The following DPYSL5 variants were observed in gnomAD, a reference collection of about 807,000 sequenced individuals.
DPYSL5 encodes the protein dihydropyrimidinase like 5.
In DPYSL5, 9 loss-of-function variants were observed where a neutral mutation model predicts 58.4. The ratio of observed to expected loss-of-function variants is 0.15; its 90% confidence interval spans 0.09 to 0.27. The LOEUF (loss-of-function observed/expected upper bound fraction) is 0.27, where lower values mean the gene tolerates loss of function less well. Among genes scored for constraint, DPYSL5 ranks in the 10% least tolerant of loss-of-function variants. The probability of loss-of-function intolerance (pLI) is 1.00; values close to 1 mark genes in which losing one functional copy is unlikely to be tolerated. For synonymous variants in DPYSL5, 293 were observed against 301.9 expected (o/e 0.97, Z 0.31); for missense variants, 499 against 770.6 (o/e 0.65, Z 4.17).
chr2:26,896,674 G>A (rs1386617127), intron 1 of DPYSL5, among the ~76,000 whole-genome samples: 2 of 152,164 alleles, frequency 1.3e-5, no homozygotes, highest in African/African-American at 4.8e-5. Context: ...TTGGCCATTT[G>A]TATGTCTTCT....
intron 2 of DPYSL5, among the ~76,000 whole-genome samples, chr2:26,912,296 C>T (rs1209227632): frequency 1.3e-5 from 2 of 152,236 alleles, no homozygotes; most frequent in Non-Finnish European, 2.9e-5. Context: ...AGCCCCCGTT[C>T]CTGGAAACCA....
chr2:26,934,633 C>G lies in DPYSL5; in HGVS notation c.846C>G (p.His282Gln), dbSNP rs773777628. Residue 282 changes from histidine to glutamine, a missense_variant, in exon 8 of 13, where the codon CAC (histidine) becomes CAG (glutamine). Physicochemically the swap from His to Gln is conservative, Grantham distance 24 (BLOSUM62 0). Coordinates refer to ENST00000288699, the MANE Select transcript of DPYSL5 (RefSeq NM_020134.4). The surrounding 1 kb of genome is among the most constrained non-coding windows in gnomAD (Gnocchi z 4.3). ...TTAHATLTGL[H>Q]YYHQDWSHAA... ...CACATGCCACGCTGACAGGCTTACA[C>G]TACTACCACCAGGACTGGTCCCACG... 6.2e-7 allele frequency: 1 copy of G among 1,614,020 alleles called. No homozygotes were observed. Among genetic ancestry groups the G allele is most frequent in the South Asian group, 1.1e-5 (1 of 91,058 alleles).
chr2:26,886,829 C>G (rs1663731109), intron 1 of DPYSL5, among the ~76,000 whole-genome samples: 1 of 152,202 alleles, frequency 6.6e-6, no homozygotes, highest in Admixed American at 6.5e-5. Context: ...TTAAGAATGG[C>G]TCTCCCATTG....
chr2:26,874,522 C>CAT (rs535770078), intron 1 of DPYSL5, among the ~76,000 whole-genome samples: 9 of 152,256 alleles, frequency 5.9e-5, no homozygotes, highest in East Asian at 1.9e-4. Flanking sequence ...ATCAAATGAT[C>CAT]ATATATATAT....
At chr2:26,935,705 A>AAG (rs1314003998) in intron 8 of DPYSL5, among the ~76,000 whole-genome samples, 18 of 151,566 alleles carry the variant, frequency 1.2e-4, no homozygotes, top group Admixed American at 1.1e-3. Context: ...AAAAAAAAAA[A>AAG]AAAAATTGGG....
rs144575513 is a variant in DPYSL5 at position 26,876,457 on chromosome 2, A to T, written c.-4-22039A>T. Among the ~76,000 whole-genome samples, 12 of 152,314 alleles carry T rather than the reference A, an allele frequency of 7.9e-5. No homozygotes were observed. In the East Asian group the frequency reaches 2.3e-3, roughly 29 times the overall value. On this transcript the variant is annotated intron_variant, in intron 1 of 12. Transcript: ENST00000288699. Reference sequence around the variant, plus strand: ...GGGATGGGTTAGAAGGGCCAGCAAGATATCAAAGTAGAGAGATCCAATTGG... The same window carrying T: ...GGGATGGGTTAGAAGGGCCAGCAAGTTATCAAAGTAGAGAGATCCAATTGG...
intron 1 of DPYSL5, among the ~76,000 whole-genome samples, chr2:26,873,082 C>G (rs527328851): frequency 8.9e-4 from 135 of 152,252 alleles, no homozygotes; most frequent in African/African-American, 3.2e-3. Context: ...TGCTAGGAAG[C>G]TTAGTGCTAA....
intron 1 of DPYSL5, among the ~76,000 whole-genome samples, chr2:26,883,087 A>C (rs1256705309): frequency 1.3e-5 from 2 of 152,028 alleles, no homozygotes; most frequent in African/African-American, 4.8e-5. Flanking sequence ...TTAAAGTTTT[A>C]AATGTTTGAT....
intron 2 of DPYSL5, among the ~76,000 whole-genome samples, chr2:26,902,911 ATCAGG>A (rs1664194085): frequency 6.6e-6 from 1 of 152,274 alleles, no homozygotes; most frequent in South Asian, 2.1e-4. Flanking sequence ...CCCTGGCAAC[ATCAGG>A]AAGTCACCCT....
rs781689372 is a variant in DPYSL5, at chr2:26,924,408, C to T, written c.262-479C>T. ...ATATCCAAATTAACATTTTCTATAT[C>T]GTGGTTCAAATATACGTGTGTAACT... is the stretch of plus-strand genomic sequence containing the variant. On this transcript the variant is annotated intron_variant, in intron 2 of 12. Coordinates refer to ENST00000288699, the MANE Select transcript of DPYSL5 (RefSeq NM_020134.4). This position sits in a 1 kb window ranked among gnomAD's most constrained non-coding sequence, Gnocchi z 4.7. 5.3e-5 allele frequency among the ~76,000 whole-genome samples: 8 copies of T among 152,142 alleles called. No individual in the cohort carries two copies. Among genetic ancestry groups the T allele is most frequent in the Non-Finnish European group, 8.8e-5 (6 of 68,032 alleles).
intron 2 of DPYSL5, among the ~76,000 whole-genome samples, chr2:26,916,100 C>T (rs1463378176): frequency 6.6e-6 from 1 of 152,080 alleles, no homozygotes. Context: ...CTCCTGATGC[C>T]ATTTTTTCAG....
At chr2:26,851,732 C>G (rs891933381) in intron 1 of DPYSL5, among the ~76,000 whole-genome samples, 1 of 152,112 alleles carries the variant, frequency 6.6e-6, no homozygotes, top group Non-Finnish European at 1.5e-5. Context: ...CACTTGAGGT[C>G]AGGAGTTCGA....
chr2:26,917,138 TACA>T (rs1664583784), intron 2 of DPYSL5, among the ~76,000 whole-genome samples: 1 of 152,156 alleles, frequency 6.6e-6, no homozygotes, highest in Non-Finnish European at 1.5e-5. Flanking sequence ...CTGAAGATCT[TACA>T]ACTAATAAGT....
chr2:26,912,873 C>T (rs1458376859), intron 2 of DPYSL5, among the ~76,000 whole-genome samples: 1 of 152,186 alleles, frequency 6.6e-6, no homozygotes. Context: ...CAGTTAGGTC[C>T]GATTTCACTT....
chr2:26,869,972 C>G (rs1255008465), intron 1 of DPYSL5, among the ~76,000 whole-genome samples: 2 of 152,216 alleles, frequency 1.3e-5, no homozygotes, highest in East Asian at 3.8e-4. Context: ...GATCGCGCCA[C>G]TGCACTCCAG....
intron 1 of DPYSL5, among the ~76,000 whole-genome samples, chr2:26,879,924 T>C (rs1453414415): frequency 5.9e-5 from 9 of 152,094 alleles, no homozygotes; most frequent in Non-Finnish European, 1.0e-4. Context: ...AGGGTCTCAC[T>C]CTGTTGCCCA....
chr2:26,881,266 G>A (rs1009840180), intron 1 of DPYSL5, among the ~76,000 whole-genome samples: 1 of 152,062 alleles, frequency 6.6e-6, no homozygotes, highest in Admixed American at 6.6e-5. Flanking sequence ...ATCCAGATGC[G>A]ATCAGCCTAG....
At chr2:26,908,217 A>G (rs1477063552) in intron 2 of DPYSL5, among the ~76,000 whole-genome samples, 2 of 152,246 alleles carry the variant, frequency 1.3e-5, no homozygotes, top group African/African-American at 2.4e-5. Flanking sequence ...GCATACATAT[A>G]AAACAGTTAA....
At chr2:26,871,985 G>A (rs1379141355) in intron 1 of DPYSL5, among the ~76,000 whole-genome samples, 1 of 152,174 alleles carries the variant, frequency 6.6e-6, no homozygotes, top group Non-Finnish European at 1.5e-5. Flanking sequence ...AGATTAGTAA[G>A]TATGAAGTAT....
Sources: allele counts gnomAD v4.1 joint callset (sites outside exome capture counted in the v4.1 genomes callset), GRCh38; gene constraint gnomAD v4.1.1; non-coding constraint Gnocchi (gnomAD v3.1); transcripts MANE v1.5; gene names NCBI Gene and HGNC (gene_info 2026-07-23, HGNC 2026-07-21).